The following USPL1 variants were observed in gnomAD, a reference collection of about 807,000 sequenced individuals.
The protein encoded by USPL1 is ubiquitin specific peptidase like 1, also known as SUMO-specific isopeptidase USPL1.
Under a neutral mutation model 51.5 loss-of-function variants are expected in USPL1, and 27 were observed. That is an observed-to-expected ratio of 0.52 (90% CI 0.39 to 0.72). The LOEUF (loss-of-function observed/expected upper bound fraction) is 0.72. USPL1 is among the 30% of genes least tolerant of loss of function. The probability of loss-of-function intolerance (pLI) is 0.00; values close to 1 mark genes in which losing one functional copy is unlikely to be tolerated. For synonymous variants in USPL1, 451 were observed against 459.6 expected, an observed-to-expected ratio of 0.98 and a Z score of 0.24; for missense variants, 1,226 against 1,268.0, an observed-to-expected ratio of 0.97 and a Z score of 0.50.
intron 1 of USPL1, among the ~76,000 whole-genome samples, chr13:30,620,759 G>C (rs1183104597): frequency 2.6e-5 from 4 of 152,076 alleles, no homozygotes; most frequent in African/African-American, 9.7e-5. Flanking sequence ...AAAAAGTTAG[G>C]CTTTCAAATT....
intron 8 of USPL1, among the ~76,000 whole-genome samples, chr13:30,655,913 T>C (rs1461579557): frequency 2.6e-5 from 4 of 152,242 alleles, no homozygotes; most frequent in Non-Finnish European, 5.9e-5. Context: ...GTATTTGCTG[T>C]GCCGCAATTA....
At chr13:30,645,007 A>C (rs1288354603) in intron 6 of USPL1, among the ~76,000 whole-genome samples, 1 of 152,106 alleles carries the variant, frequency 6.6e-6, no homozygotes, top group Non-Finnish European at 1.5e-5. Context: ...GGAAGATCCT[A>C]GTGTCCTCAT....
At chr13:30,656,838 T>C (rs1470657046) in intron 8 of USPL1, among the ~76,000 whole-genome samples, 3 of 152,120 alleles carry the variant, frequency 2.0e-5, no homozygotes, top group African/African-American at 7.2e-5. Flanking sequence ...TGCTATTTTC[T>C]ATTTTTTTTT....
At chr13:30,651,924 C>G (rs1245080984) in intron 7 of USPL1, among the ~76,000 whole-genome samples, 1 of 151,980 alleles carries the variant, frequency 6.6e-6, no homozygotes, top group Non-Finnish European at 1.5e-5. Context: ...CCACTGCACT[C>G]CAACCTGGGT....
At chr13:30,630,448 C>A (rs1276433421) in intron 3 of USPL1, among the ~76,000 whole-genome samples, 1 of 152,152 alleles carries the variant, frequency 6.6e-6, no homozygotes, top group Non-Finnish European at 1.5e-5. Context: ...TTTGAAAATA[C>A]TTTTAAAATG....
intron 1 of USPL1, among the ~76,000 whole-genome samples, chr13:30,618,776 CAG>C (rs1241452800): frequency 1.3e-5 from 2 of 152,102 alleles, no homozygotes; most frequent in African/African-American, 2.4e-5. Flanking sequence ...TTGAGGAAGA[CAG>C]AACTGGAAAG....
intron 3 of USPL1, among the ~76,000 whole-genome samples, chr13:30,624,615 C>T (rs1416279756): frequency 6.6e-6 from 1 of 151,966 alleles, no homozygotes; most frequent in Non-Finnish European, 1.5e-5. Flanking sequence ...GTGTGAGACC[C>T]TGTCTCTATT....
chr13:30,660,766 A>T lies in USPL1; in HGVS notation c.*1410A>T, dbSNP rs926636908. Reference sequence around the variant, plus strand: ...CTATAAATAAATGATAGCAGAAAAAAGTTACCTGTTTTTGTGATGATGTAC... The same window carrying T: ...CTATAAATAAATGATAGCAGAAAAATGTTACCTGTTTTTGTGATGATGTAC... On this transcript the variant is annotated 3_prime_UTR_variant, in exon 9 of 9. Coordinates refer to ENST00000255304, the MANE Select transcript of USPL1 (RefSeq NM_005800.5). The T allele has an allele frequency of 2.6e-5, 4 of 152,220 alleles. No individual in the cohort carries two copies. Among genetic ancestry groups the T allele is most frequent in the Non-Finnish European group, 5.9e-5 (4 of 68,038 alleles). The allele number at this position is 152,220 out of a possible 1,614,324, so 9.4% of individuals were successfully genotyped here.
intron 3 of USPL1, among the ~76,000 whole-genome samples, 181 bp downstream of exon 3, chr13:30,622,073 G>A (rs951495015): frequency 8.6e-5 from 13 of 151,836 alleles, no homozygotes; most frequent in African/African-American, 2.7e-4. Flanking sequence ...ACTTGGTTGC[G>A]TAAAGATGTT....
intron 4 of USPL1, among the ~76,000 whole-genome samples, chr13:30,636,529 G>A (rs1252977019): frequency 1.3e-5 from 2 of 152,126 alleles, no homozygotes; most frequent in Non-Finnish European, 2.9e-5. Flanking sequence ...AGTAGAGTCA[G>A]ATGCATGTAG....
At chr13:30,639,591 A>G (rs1406674219) in intron 5 of USPL1, among the ~76,000 whole-genome samples, 1 of 152,102 alleles carries the variant, frequency 6.6e-6, no homozygotes, top group Non-Finnish European at 1.5e-5. Context: ...ATCAAGGTGT[A>G]ATTTACATAT....
At chr13:30,631,711 G>A (rs1404758187) in intron 4 of USPL1, among the ~76,000 whole-genome samples, 6 of 152,106 alleles carry the variant, frequency 3.9e-5, no homozygotes, top group South Asian at 2.1e-4. Context: ...GGCTGGACTC[G>A]ATTTCCTGGG....
At chr13:30,648,127 A>G (rs558049184) in intron 7 of USPL1, among the ~76,000 whole-genome samples, 3 of 152,276 alleles carry the variant, frequency 2.0e-5, no homozygotes, top group African/African-American at 7.2e-5. Context: ...CGGTGTTTGC[A>G]TTGTTATTAA....
intron 4 of USPL1, among the ~76,000 whole-genome samples, chr13:30,634,942 G>C (rs1257782863): frequency 6.6e-6 from 1 of 152,126 alleles, no homozygotes; most frequent in Non-Finnish European, 1.5e-5. Flanking sequence ...TGAAGAGGTT[G>C]TCGGCTCTAT....
At chr13:30,652,106 A>G (rs1277936597) in intron 7 of USPL1, among the ~76,000 whole-genome samples, 1 of 152,256 alleles carries the variant, frequency 6.6e-6, no homozygotes, top group South Asian at 2.1e-4. Context: ...AATTGATGTC[A>G]TGATATAGTT....
At chr13:30,632,406 A>ATTT (rs60539080) in intron 4 of USPL1, among the ~76,000 whole-genome samples, 2,879 of 83,648 alleles carry the variant, frequency 0.034, 356 homozygotes, top group African/African-American at 0.14. Context: ...TGCTATTGTG[A>ATTT]TTTTTTTTTT....
intron 1 of USPL1, among the ~76,000 whole-genome samples, chr13:30,620,130 G>T (rs1268722618): frequency 6.6e-6 from 1 of 152,180 alleles, no homozygotes; most frequent in Admixed American, 6.5e-5. Flanking sequence ...GGCTTGAAAG[G>T]TTTGTGAAGT....
chr13:30,631,699 C>G (rs1332025195), intron 4 of USPL1, among the ~76,000 whole-genome samples: 1 of 152,198 alleles, frequency 6.6e-6, no homozygotes, highest in African/African-American at 2.4e-5. Flanking sequence ...CTGTCTTGCC[C>G]AGGCTGGACT....
rs1951189042 is a variant in USPL1, at chr13:30,657,969, T to A, written c.1892T>A (p.Leu631Gln). The A allele has an allele frequency of 6.2e-7, 1 of 1,613,630 alleles. No homozygotes were observed. Residue 631 changes from leucine to glutamine, a missense_variant, in exon 9 of 9, where the codon CTA becomes CAA. Leu to Gln is a moderately radical substitution (Grantham distance 113). Coordinates refer to ENST00000255304, the MANE Select transcript of USPL1 (RefSeq NM_005800.5). ...AATACTTTGCTATCACAAGAATCAC[T>A]AATGGCTTCTTCAGTATCAGCTCCA... ...KTNTLLSQES[L>Q]MASSVSAPCN...
Sources: allele counts gnomAD v4.1 joint callset (sites outside exome capture counted in the v4.1 genomes callset), GRCh38; gene constraint gnomAD v4.1.1; transcripts MANE v1.5; gene names NCBI Gene and HGNC (gene_info 2026-07-23, HGNC 2026-07-21).